The following GNAQ variants were observed in gnomAD, a reference collection of about 807,000 sequenced individuals.
GNAQ encodes the protein guanine nucleotide-binding protein G(q) subunit alpha.
Under a neutral mutation model 43.9 loss-of-function variants are expected in GNAQ, and 8 were observed. The ratio of observed to expected loss-of-function variants is 0.18; its 90% CI spans 0.11 to 0.33. The LOEUF is 0.33. Ranked by LOEUF, GNAQ falls within the 10% of genes least tolerant of loss-of-function variation. GNAQ has a pLI of 1.00. For synonymous variants in GNAQ, 155 were observed against 170.7 expected, an observed-to-expected ratio of 0.91 and a Z score of 0.71; for missense variants, 158 against 450.8, an observed-to-expected ratio of 0.35 and a Z score of 5.88.
rs1375720539 is a variant in GNAQ at position 77,721,265 on chromosome 9, C to T, written c.*58G>A. The T allele has an allele frequency of 9.1e-7, 1 of 1,097,950 alleles. No homozygotes were observed. The highest frequency in any genetic ancestry group is 1.3e-6 in the Non-Finnish European group (1 of 742,570). 68.0% of individuals were successfully genotyped at this position (1,097,950 alleles called of 1,614,324 possible). A position where few individuals can be genotyped will look rare whatever the true frequency, so the allele number is the denominator to read the frequency against. On this transcript the variant is annotated 3_prime_UTR_variant, in exon 7 of 7. Transcript: ENST00000286548. Reference sequence around the variant, plus strand: ...TGTTTTCCACAGAAATACAGTCCCTCTTGTGTATCTTCAATAGCCCACCAG... The same window carrying T: ...TGTTTTCCACAGAAATACAGTCCCTTTTGTGTATCTTCAATAGCCCACCAG...
At position 77,750,481 on chromosome 9, in the gene GNAQ, T is replaced by G. The variant is rs376194355; in HGVS notation, c.736-21814A>C. 1.3e-4 allele frequency among the ~76,000 whole-genome samples: 20 copies of G among 152,362 alleles called. No individual in the cohort carries two copies. The South Asian group carries it at 4.1e-3, about 32-fold the overall frequency. On this transcript the variant is annotated intron_variant, in intron 5 of 6. Coordinates refer to ENST00000286548, the MANE Select transcript of GNAQ (RefSeq NM_002072.5). ...AGTAATGATCATGTTATCATCATTA[T>G]GTAATTTAGAAAATTTATGAGTCAG... is the stretch of plus-strand genomic sequence containing the variant.
At chr9:77,929,708 G>A (rs962571673) in intron 1 of GNAQ, among the ~76,000 whole-genome samples, 5 of 151,990 alleles carry the variant, frequency 3.3e-5, no homozygotes, top group Non-Finnish European at 5.9e-5. Flanking sequence ...GGTGATGTGC[G>A]CCTGTAGTTC....
At chr9:77,887,626 C>G (rs1828331039) in intron 2 of GNAQ, among the ~76,000 whole-genome samples, 1 of 152,138 alleles carries the variant, frequency 6.6e-6, no homozygotes, top group South Asian at 2.1e-4. Context: ...TCCAGCAGTG[C>G]CTGCTTGTGA....
intron 1 of GNAQ, among the ~76,000 whole-genome samples, chr9:77,941,392 G>A (rs1383746558): frequency 1.3e-5 from 2 of 152,046 alleles, no homozygotes; most frequent in Non-Finnish European, 2.9e-5. Flanking sequence ...TGGGACTACA[G>A]GCACCCACCA....
At chr9:77,968,766 C>T (rs1355215821) in intron 1 of GNAQ, among the ~76,000 whole-genome samples, 1 of 152,190 alleles carries the variant, frequency 6.6e-6, no homozygotes, top group East Asian at 1.9e-4. Context: ...AAAACAGAGA[C>T]ACAATTATGC....
Position 77,965,323 on chromosome 9 carries a change from C to A in GNAQ, c.137-42978G>T, listed in dbSNP as rs76719818. The stretch of plus-strand genomic sequence containing the variant: ...CTTCCCATACAATTAAAATTAACTA[C>A]GACCACCAGCCCATCATACTCAGCT... On this transcript the variant is annotated intron_variant, in intron 1 of 6. Transcript: ENST00000286548. Among the ~76,000 whole-genome samples the A allele has an allele frequency of 5.9e-5, 9 of 152,166 alleles. No homozygotes were observed. In the East Asian group the frequency reaches 7.7e-4, roughly 13 times the overall value.
intron 2 of GNAQ, among the ~76,000 whole-genome samples, chr9:77,843,870 C>A (rs1405997984): frequency 1.3e-5 from 2 of 152,138 alleles, no homozygotes; most frequent in Non-Finnish European, 2.9e-5. Context: ...ATCTCAAGGA[C>A]CTTAATTGAG....
At chr9:77,872,196 T>C (rs1194118189) in intron 2 of GNAQ, among the ~76,000 whole-genome samples, 6 of 152,252 alleles carry the variant, frequency 3.9e-5, no homozygotes, top group African/African-American at 1.4e-4. Flanking sequence ...AACTATGCAA[T>C]ATGCAGTGCA....
intron 1 of GNAQ, among the ~76,000 whole-genome samples, chr9:77,923,689 G>A (rs1330358320): frequency 1.3e-5 from 2 of 152,048 alleles, no homozygotes; most frequent in Admixed American, 1.3e-4. Context: ...TATTAAAGAC[G>A]GAATAATAGA....
chr9:77,828,274 T>A (rs1207688050), intron 2 of GNAQ, among the ~76,000 whole-genome samples: 1 of 151,310 alleles, frequency 6.6e-6, no homozygotes, highest in African/African-American at 2.4e-5. Context: ...GCAATTAAAA[T>A]TTTTTTTTGT....
chr9:77,838,615 A>G (rs1330478233), intron 2 of GNAQ, among the ~76,000 whole-genome samples: 1 of 150,008 alleles, frequency 6.7e-6, no homozygotes, highest in Non-Finnish European at 1.5e-5. Flanking sequence ...TTGGGGTTTC[A>G]CCATGTTAGC....
At chr9:77,782,507 G>A (rs753174873) in intron 5 of GNAQ, among the ~76,000 whole-genome samples, 4 of 152,110 alleles carry the variant, frequency 2.6e-5, no homozygotes, top group Non-Finnish European at 5.9e-5. Flanking sequence ...AGATGCTGGT[G>A]GCCATGTAGA....
rs558877441 is a variant in GNAQ at position 77,880,951 on chromosome 9, T to G, written c.321+41210A>C. On this transcript the variant is annotated intron_variant, in intron 2 of 6. Transcript: ENST00000286548. ...TATATTCTGGGCTTATGCTTATGGG[T>G]GTGCAAAAATAGCTTGAAGACCTTG... Among the ~76,000 whole-genome samples the G allele has an allele frequency of 4.9e-4, 75 of 152,168 alleles. 1 individual carries two copies. The highest frequency in any genetic ancestry group is 1.2e-3 in the South Asian group (6 of 4,816).
At chr9:77,927,741 C>T (rs1216931660) in intron 1 of GNAQ, among the ~76,000 whole-genome samples, 1 of 152,034 alleles carries the variant, frequency 6.6e-6, no homozygotes, top group African/African-American at 2.4e-5. Flanking sequence ...ATTTATTTCA[C>T]ACTGCCAGGG....
chr9:77,918,445 T>C lies in GNAQ; in HGVS notation c.321+3716A>G, dbSNP rs1027352260. ...CCTCCATGTAACTGTTAATCAAATA[T>C]ACACCAAATTCTTTAGACTATTTAT... On this transcript the variant is annotated intron_variant, in intron 2 of 6. Coordinates refer to ENST00000286548, the MANE Select transcript of GNAQ (RefSeq NM_002072.5). 2.6e-5 allele frequency among the ~76,000 whole-genome samples: 4 copies of C among 151,986 alleles called. No individual in the cohort carries two copies. In the South Asian group the frequency reaches 6.2e-4, roughly 24 times the overall value.
At chr9:77,834,323 C>G (rs1454227642) in intron 2 of GNAQ, among the ~76,000 whole-genome samples, 1 of 152,178 alleles carries the variant, frequency 6.6e-6, no homozygotes, top group Non-Finnish European at 1.5e-5. Flanking sequence ...TTATGACAAA[C>G]AACATGAACT....
intron 3 of GNAQ, among the ~76,000 whole-genome samples, chr9:77,804,695 T>C (rs979444734): frequency 3.3e-5 from 5 of 149,986 alleles, no homozygotes; most frequent in African/African-American, 1.0e-4. Flanking sequence ...TGACACGGGG[T>C]GTGTGTTGGA....
intron 1 of GNAQ, among the ~76,000 whole-genome samples, chr9:78,021,066 TTGAGACAAGGTCTCACTC>T (rs1823903150): frequency 1.3e-5 from 2 of 150,726 alleles, no homozygotes; most frequent in Admixed American, 1.3e-4. Context: ...TTTTTTTTTT[TTGAGACAAGGTCTCACTC>T]TGTTACCTAA....
At chr9:77,798,858 C>T (rs1204710131) in intron 3 of GNAQ, among the ~76,000 whole-genome samples, 2 of 152,092 alleles carry the variant, frequency 1.3e-5, no homozygotes, top group Non-Finnish European at 2.9e-5. Flanking sequence ...CCCATAGATA[C>T]AGAGGGCTGA....
Sources: allele counts gnomAD v4.1 joint callset (sites outside exome capture counted in the v4.1 genomes callset), GRCh38; gene constraint gnomAD v4.1.1; transcripts MANE v1.5; gene names NCBI Gene and HGNC (gene_info 2026-07-23, HGNC 2026-07-21).